The following LRFN5 variants were observed in gnomAD, a reference collection of about 807,000 sequenced individuals.
The protein encoded by LRFN5 is leucine rich repeat and fibronectin type III domain containing 5.
In LRFN5, 24 loss-of-function variants were observed where a neutral mutation model predicts 45.6. That is an observed-to-expected ratio of 0.53 (90% CI 0.38 to 0.74). LRFN5 has a LOEUF of 0.74. Among genes scored for constraint, LRFN5 ranks in the 30% least tolerant of loss-of-function variants. The pLI is 0.00. For missense variants in LRFN5, 776 were observed against 861.5 expected, an observed-to-expected ratio of 0.90 and a Z score of 1.24; for synonymous variants, 340 against 313.8, an observed-to-expected ratio of 1.08 and a Z score of -0.88.
chr14:41,897,320 A>G (rs757445997), intron 4 of LRFN5, among the ~76,000 whole-genome samples: 2 of 151,848 alleles, frequency 1.3e-5, no homozygotes, highest in Non-Finnish European at 2.9e-5. Context: ...TGAATATAAC[A>G]AAATAATCAC....
chr14:41,690,991 CACTT>C (rs1479650604), intron 1 of LRFN5, among the ~76,000 whole-genome samples: 1 of 151,788 alleles, frequency 6.6e-6, no homozygotes, highest in East Asian at 1.9e-4. Context: ...AAAAGAGAAA[CACTT>C]ATACTGTTTC....
intron 1 of LRFN5, among the ~76,000 whole-genome samples, chr14:41,728,612 A>G (rs1000552910): frequency 2.0e-5 from 3 of 152,196 alleles, no homozygotes; most frequent in African/African-American, 4.8e-5. Context: ...TAAGATTAGA[A>G]TCTATTCAAT....
chr14:41,730,915 A>G (rs1348928294), intron 1 of LRFN5, among the ~76,000 whole-genome samples: 1 of 152,032 alleles, frequency 6.6e-6, no homozygotes, highest in Non-Finnish European at 1.5e-5. Flanking sequence ...TGTTAATTGA[A>G]TGAAAGGTTC....
At chr14:41,892,420 A>G (rs969746733) in intron 4 of LRFN5, 3 of 984,722 alleles carry the variant, frequency 3.0e-6, no homozygotes, top group Middle Eastern at 5.2e-4. Context: ...TTCTAGGACC[A>G]ACTCCTAGGA....
chr14:41,895,003 T>G lies in LRFN5; in HGVS notation c.2098+3041T>G, dbSNP rs550636718. ...TATTTTTGCTTCCTCGTTCTTATTT[T>G]TCTTTTATTTTTGTCATTTTGCATT... On this transcript the variant is annotated intron_variant, in intron 4 of 5. Transcript: ENST00000298119. 32 of 981,272 alleles carry G rather than the reference T, an allele frequency of 3.3e-5. No homozygotes were observed. In the African/African-American group the frequency reaches 5.4e-4, roughly 17 times the overall value. The allele number at this position is 981,272 out of a possible 1,614,324, so 60.8% of individuals were successfully genotyped here.
chr14:41,846,816 G>A (rs1475386898), intron 2 of LRFN5, among the ~76,000 whole-genome samples: 1 of 152,064 alleles, frequency 6.6e-6, no homozygotes, highest in Non-Finnish European at 1.5e-5. Context: ...TAAGGACTGT[G>A]AGCCTCATTT....
chr14:41,761,792 G>T (rs1162478834), intron 1 of LRFN5, among the ~76,000 whole-genome samples: 2 of 151,950 alleles, frequency 1.3e-5, no homozygotes, highest in African/African-American at 4.8e-5. Context: ...TTATTATTTT[G>T]GATTATTTTG....
Position 41,646,762 on chromosome 14 carries a change from C to A in LRFN5, c.-197+38200C>A, listed in dbSNP as rs1156324991. Among the ~76,000 whole-genome samples the A allele has an allele frequency of 3.9e-5, 6 of 152,176 alleles. 2 individuals are homozygous for A. In the South Asian group the frequency reaches 1.2e-3, roughly 31 times the overall value. On this transcript the variant is annotated intron_variant, in intron 1 of 5. Coordinates refer to ENST00000298119, the MANE Select transcript of LRFN5 (RefSeq NM_152447.5). ...CAATGCTCACTGGTACTAAGGGGAT[C>A]TCTTTCCTCACAAAGCTCTGTTGAT... is the stretch of plus-strand genomic sequence containing the variant.
chr14:41,633,134 C>T (rs1888608393), intron 1 of LRFN5, among the ~76,000 whole-genome samples: 1 of 151,954 alleles, frequency 6.6e-6, no homozygotes, highest in Admixed American at 6.5e-5. Context: ...CAGTCTTAAA[C>T]ACAATACCTG....
chr14:41,702,222 G>A (rs960465463), intron 1 of LRFN5, among the ~76,000 whole-genome samples: 1 of 152,160 alleles, frequency 6.6e-6, no homozygotes, highest in Non-Finnish European at 1.5e-5. Flanking sequence ...GTTTTTGTCT[G>A]TGTTACAAAT....
intron 1 of LRFN5, among the ~76,000 whole-genome samples, chr14:41,734,100 A>G (rs73311029): frequency 0.36 from 49,109 of 134,676 alleles, 9,450 homozygotes; most frequent in African/African-American, 0.5. Flanking sequence ...ATCTCGGCTC[A>G]CTGCAACCTC....
At chr14:41,780,148 A>T (rs909130088) in intron 2 of LRFN5, among the ~76,000 whole-genome samples, 12 of 151,632 alleles carry the variant, frequency 7.9e-5, no homozygotes, top group Non-Finnish European at 1.2e-4. Context: ...TTTAGTTAAA[A>T]TTTTTTTTAA....
intron 1 of LRFN5, among the ~76,000 whole-genome samples, chr14:41,680,588 G>T (rs2138684200): frequency 6.6e-6 from 1 of 152,228 alleles, no homozygotes; most frequent in Non-Finnish European, 1.5e-5. Context: ...AAATATAGCT[G>T]CAGTGACCAA....
chr14:41,803,000 A>C (rs933902543), intron 2 of LRFN5, among the ~76,000 whole-genome samples: 1 of 152,134 alleles, frequency 6.6e-6, no homozygotes, highest in African/African-American at 2.4e-5. Context: ...CTTGTGTCCT[A>C]TATAATAATG....
intron 1 of LRFN5, among the ~76,000 whole-genome samples, chr14:41,735,269 T>A (rs1458712363): frequency 6.9e-5 from 10 of 145,670 alleles, no homozygotes; most frequent in African/African-American, 2.3e-4. Context: ...TTTTTATTTT[T>A]ATTTTATATA....
intron 2 of LRFN5, among the ~76,000 whole-genome samples, chr14:41,839,488 C>T (rs1231504483): frequency 6.6e-6 from 1 of 152,048 alleles, no homozygotes; most frequent in Non-Finnish European, 1.5e-5. Context: ...TTACATTCAC[C>T]TAATTATACT....
chr14:41,835,923 T>C (rs1304269578), intron 2 of LRFN5, among the ~76,000 whole-genome samples: 1 of 144,162 alleles, frequency 6.9e-6, no homozygotes, highest in Non-Finnish European at 1.5e-5. Context: ...CTTTTCTTTT[T>C]CTTTTTTTTT....
At chr14:41,627,293 G>A (rs1417289025) in intron 1 of LRFN5, among the ~76,000 whole-genome samples, 3 of 152,070 alleles carry the variant, frequency 2.0e-5, no homozygotes, top group Non-Finnish European at 4.4e-5. Flanking sequence ...TCTGTTAGGA[G>A]TCACACACCA....
intron 2 of LRFN5, among the ~76,000 whole-genome samples, chr14:41,797,763 C>T (rs2138960762): frequency 6.6e-6 from 1 of 151,820 alleles, no homozygotes; most frequent in East Asian, 1.9e-4. Context: ...ACTAACATCC[C>T]AGTGATATTC....
Sources: allele counts gnomAD v4.1 joint callset (sites outside exome capture counted in the v4.1 genomes callset), GRCh38; gene constraint gnomAD v4.1.1; transcripts MANE v1.5; gene names NCBI Gene and HGNC (gene_info 2026-07-23, HGNC 2026-07-21).